LPP: variants seen among roughly 807,000 people sequenced by gnomAD.
The protein encoded by LPP is LIM domain containing preferred translocation partner in lipoma.
LPP carries 38 observed loss-of-function variants against 60.4 expected under a neutral mutation model. The ratio of observed to expected loss-of-function variants is 0.63; its 90% CI spans 0.49 to 0.83. LPP has a LOEUF of 0.83. Among genes scored for constraint, LPP ranks in the 40% least tolerant of loss-of-function variants. The pLI, the probability that LPP is intolerant of heterozygous loss-of-function variation, is 0.00. For synonymous variants in LPP, 328 were observed against 290.8 expected (o/e 1.13, Z -1.30); for missense variants, 902 against 783.6 (o/e 1.15, Z -1.80).
intron 7 of LPP, among the ~76,000 whole-genome samples, chr3:188,654,003 C>A (rs1373434568): frequency 2.0e-5 from 3 of 152,174 alleles, no homozygotes; most frequent in Non-Finnish European, 4.4e-5. Context: ...TCCGCTGTGA[C>A]CTTAGTCTTA....
At chr3:188,735,833 G>C (rs1410733757) in intron 8 of LPP, among the ~76,000 whole-genome samples, 1 of 152,200 alleles carries the variant, frequency 6.6e-6, no homozygotes, top group Non-Finnish European at 1.5e-5. Flanking sequence ...AGCAAAACTA[G>C]ACATGGGAGA....
chr3:188,863,079 C>G (rs978320453), intron 9 of LPP, among the ~76,000 whole-genome samples: 1 of 152,122 alleles, frequency 6.6e-6, no homozygotes, highest in African/African-American at 2.4e-5. Context: ...GTCCAGGTTT[C>G]TAGCAAATGA....
chr3:188,443,686 G>A (rs536303471), intron 4 of LPP, among the ~76,000 whole-genome samples: 22 of 152,166 alleles, frequency 1.4e-4, no homozygotes, highest in Non-Finnish European at 2.9e-4. Flanking sequence ...GCTGAATCTC[G>A]TGTTGTATCA....
At chr3:188,665,255 G>A (rs547588738) in intron 7 of LPP, among the ~76,000 whole-genome samples, 12 of 152,078 alleles carry the variant, frequency 7.9e-5, no homozygotes, top group East Asian at 1.9e-4. Flanking sequence ...TCAATACCCC[G>A]TAATACCCAA....
intron 2 of LPP, among the ~76,000 whole-genome samples, chr3:188,252,268 C>T (rs940264751): frequency 3.9e-4 from 56 of 144,150 alleles, no homozygotes; most frequent in African/African-American, 1.3e-3. Flanking sequence ...TTCTTTTGCA[C>T]TCTGATTTCG....
At chr3:188,519,324 A>T (rs2150123040) in intron 5 of LPP, among the ~76,000 whole-genome samples, 1 of 152,312 alleles carries the variant, frequency 6.6e-6, no homozygotes, top group Middle Eastern at 3.4e-3. Flanking sequence ...GACTTATTTA[A>T]TCTGAATCCA....
At chr3:188,260,208 A>G (rs1157312074) in intron 2 of LPP, among the ~76,000 whole-genome samples, 1 of 151,992 alleles carries the variant, frequency 6.6e-6, no homozygotes, top group Non-Finnish European at 1.5e-5. Flanking sequence ...AAGTCCGGCT[A>G]ATTTTTGTAT....
At chr3:188,253,134 G>A (rs142796559) in intron 2 of LPP, among the ~76,000 whole-genome samples, 369 of 150,308 alleles carry the variant, frequency 2.5e-3, no homozygotes, top group African/African-American at 8.7e-3. Context: ...AAAGGTCTTC[G>A]GAAATTAGAT....
At position 188,449,961 on chromosome 3, in the gene LPP, C is replaced by T. The variant is rs557249988; in HGVS notation, c.194-34631C>T. ...CTGGGATTACAGGCGTGCACCACCA[C>T]GCCTGGCTAATTTTTGTATTTTTAG... On this transcript the variant is annotated intron_variant, in intron 4 of 11. Coordinates refer to ENST00000617246, the MANE Select transcript of LPP (RefSeq NM_001375462.1). Among the ~76,000 whole-genome samples the T allele has an allele frequency of 3.3e-5, 5 of 152,160 alleles. No homozygotes were observed. In the South Asian group the frequency reaches 6.2e-4, roughly 19 times the overall value.
intron 2 of LPP, among the ~76,000 whole-genome samples, chr3:188,236,682 G>A (rs1722040361): frequency 6.6e-6 from 1 of 152,198 alleles, no homozygotes; most frequent in Admixed American, 6.5e-5. Context: ...TCTCTTAAGT[G>A]TGAAATAGCA....
At chr3:188,524,218 C>T (rs1819826084) in intron 5 of LPP, among the ~76,000 whole-genome samples, 1 of 152,206 alleles carries the variant, frequency 6.6e-6, no homozygotes, top group South Asian at 2.1e-4. Context: ...TGGCATGCTC[C>T]AATGTCTTCA....
At chr3:188,499,964 C>G (rs532919519) in intron 5 of LPP, among the ~76,000 whole-genome samples, 1 of 152,166 alleles carries the variant, frequency 6.6e-6, no homozygotes, top group South Asian at 2.1e-4. Flanking sequence ...ACTTTATATG[C>G]TCTACTTGGC....
intron 8 of LPP, among the ~76,000 whole-genome samples, chr3:188,752,072 G>C (rs1016928443): frequency 4.6e-5 from 7 of 152,138 alleles, no homozygotes; most frequent in African/African-American, 1.7e-4. Context: ...TTTTGAAGTT[G>C]AACTATATAC....
chr3:188,367,399 T>C (rs2151016335), intron 3 of LPP, among the ~76,000 whole-genome samples: 1 of 152,276 alleles, frequency 6.6e-6, no homozygotes, highest in Non-Finnish European at 1.5e-5. Flanking sequence ...ATATTTTAGT[T>C]GCCTATTGTC....
chr3:188,311,909 G>A (rs919589291), intron 2 of LPP, among the ~76,000 whole-genome samples: 2 of 152,080 alleles, frequency 1.3e-5, no homozygotes, highest in Non-Finnish European at 2.9e-5. Context: ...AAAGTGCTGG[G>A]ATTACAGGTG....
At chr3:188,384,968 T>C (rs1777901795) in intron 3 of LPP, among the ~76,000 whole-genome samples, 1 of 151,888 alleles carries the variant, frequency 6.6e-6, no homozygotes, top group South Asian at 2.1e-4. Context: ...AATCAAAGGA[T>C]ACAGACCAGT....
intron 9 of LPP, among the ~76,000 whole-genome samples, chr3:188,823,454 A>G (rs1754544625): frequency 6.6e-6 from 1 of 152,180 alleles, no homozygotes; most frequent in African/African-American, 2.4e-5. Context: ...TTCGGAACCA[A>G]TTTTTATTGG....
At chr3:188,184,369 G>A (rs1020883593) in intron 1 of LPP, among the ~76,000 whole-genome samples, 29 of 152,194 alleles carry the variant, frequency 1.9e-4, no homozygotes, top group African/African-American at 7.0e-4. Flanking sequence ...AGGAGGGAAG[G>A]GAGAGCATGC....
At chr3:188,554,682 A>G (rs1009988125) in intron 6 of LPP, among the ~76,000 whole-genome samples, 4 of 152,192 alleles carry the variant, frequency 2.6e-5, no homozygotes, top group African/African-American at 9.7e-5. Context: ...TTTGATTCCA[A>G]ATCAACAAGC....
Sources: allele counts gnomAD v4.1 joint callset (sites outside exome capture counted in the v4.1 genomes callset), GRCh38; gene constraint gnomAD v4.1.1; transcripts MANE v1.5; gene names NCBI Gene and HGNC (gene_info 2026-07-23, HGNC 2026-07-21).